The following NDRG2 variants were observed in gnomAD, a reference collection of about 807,000 sequenced individuals.
The protein encoded by NDRG2 is protein NDRG2.
A neutral mutation model predicts 58.2 loss-of-function variants in NDRG2; 34 were observed. The ratio of observed to expected loss-of-function variants is 0.58; its 90% CI spans 0.44 to 0.78. The LOEUF is 0.78. Ranked by LOEUF, NDRG2 falls within the 30% of genes least tolerant of loss-of-function variation. NDRG2 has a pLI of 0.00. For missense variants in NDRG2, 434 were observed against 471.2 expected (o/e 0.92, Z 0.73); for synonymous variants, 187 against 175.9 (o/e 1.06, Z -0.50).
intron 1 of NDRG2, among the ~76,000 whole-genome samples, chr14:21,065,260 A>C (rs1364781142): frequency 6.6e-6 from 1 of 151,690 alleles, no homozygotes; most frequent in Admixed American, 6.6e-5. Context: ...ACAAACAAAC[A>C]AAAAAAACCT....
chr14:21,021,173 A>C (rs1168390126), intron 6 of NDRG2: 1 of 496,512 alleles, frequency 2.0e-6, no homozygotes, highest in Non-Finnish European at 3.9e-6. Context: ...AGCCAGTTCA[A>C]CTTGTTCTGC....
At chr14:21,035,429 T>A (rs1312620667) in intron 1 of NDRG2, among the ~76,000 whole-genome samples, 1 of 152,226 alleles carries the variant, frequency 6.6e-6, no homozygotes, top group African/African-American at 2.4e-5. Flanking sequence ...ATCTTTTTCA[T>A]CAACATCTTC....
At chr14:21,021,759 A>AG in intron 6 of NDRG2, 58 bp downstream of exon 6, 2 of 1,561,338 alleles carry the variant, frequency 1.3e-6, no homozygotes, top group Non-Finnish European at 1.7e-6. Context: ...GGAAGTTCTA[A>AG]GGGTCTCCTT....
intron 1 of NDRG2, chr14:21,033,929 G>A (rs1884430440): frequency 6.2e-7 from 1 of 1,613,948 alleles, no homozygotes; most frequent in Non-Finnish European, 8.5e-7. Flanking sequence ...AGCAGCTAGT[G>A]GGTGGCTGTT....
chr14:21,058,485 A>G, intron 1 of NDRG2: 1 of 673,402 alleles, frequency 1.5e-6, no homozygotes, highest in African/African-American at 1.8e-5. Flanking sequence ...TCAACCTCAC[A>G]TACTCTTGGT....
At chr14:21,064,499 G>A (rs942448040) in intron 1 of NDRG2, among the ~76,000 whole-genome samples, 6 of 151,974 alleles carry the variant, frequency 3.9e-5, no homozygotes, top group Non-Finnish European at 1.5e-5. Context: ...ACTGGGTTTC[G>A]CCATGTTGGC....
chr14:21,033,962 G>T, intron 1 of NDRG2: 1 of 1,614,084 alleles, frequency 6.2e-7, no homozygotes, highest in South Asian at 1.1e-5. Context: ...AGCAGACCGT[G>T]ATGGGGAGGG....
At chr14:21,027,912 A>G (rs1214629750), upstream of NDRG2, among the ~76,000 whole-genome samples, 2 of 152,246 alleles carry the variant, frequency 1.3e-5, no homozygotes, top group African/African-American at 4.8e-5. Flanking sequence ...AGAGAGCATG[A>G]AGGACAGTTT....
rs1877250032 is a variant in NDRG2 at position 21,017,176 on chromosome 14, A to T, written c.*420T>A. The T allele has an allele frequency of 1.4e-5, 5 of 362,850 alleles. No individual in the cohort carries two copies. The highest frequency in any genetic ancestry group is 1.0e-4 in the South Asian group (5 of 49,092). The allele number at this position is 362,850 out of a possible 1,614,324, so 22.5% of individuals were successfully genotyped here. A position where few individuals can be genotyped will look rare whatever the true frequency, so the allele number is the denominator to read the frequency against. ...AGTCCTAAAGGGTTAATGAGAAGCC[A>T]CCTCAGCTTTGGTGAATGGAGCCCC... is the stretch of plus-strand genomic sequence containing the variant. On this transcript the variant is annotated 3_prime_UTR_variant, in exon 16 of 16. Transcript: ENST00000556147.
intron 1 of NDRG2, chr14:21,057,951 TG>T (rs1469659078): frequency 6.2e-7 from 1 of 1,613,886 alleles, no homozygotes; most frequent in Non-Finnish European, 8.5e-7. Flanking sequence ...GGGCTGTGGG[TG>T]GCAGAGGTCC....
chr14:21,023,077 C>T lies in NDRG2; in HGVS notation c.75+164G>A. ...GATGAAGGTTAGTGTAGTGACGAGA[C>T]AAGGGCCTGACTCCCAATTATAGTG... On this transcript the variant is annotated intron_variant, in intron 2 of 15. Transcript: ENST00000556147. The T allele has an allele frequency of 8.5e-6, 8 of 942,834 alleles. No individual in the cohort carries two copies. The South Asian group carries it at 1.2e-4, about 14-fold the overall frequency. The allele number at this position is 942,834 out of a possible 1,614,324, so 58.4% of individuals were successfully genotyped here. A position where few individuals can be genotyped will look rare whatever the true frequency, so the allele number is the denominator to read the frequency against.
In NDRG2 at chr14:21,018,255, C is replaced by A. The variant is rs374512250; in HGVS notation, c.862-16G>T. ...AGTCAGCCATCTGTTCAGGAGAGCA[C>A]CACCCAGAAAAAGTGAAACACACAT... On this transcript the variant is annotated splice_polypyrimidine_tract_variant and intron_variant, in intron 13 of 15. Transcript: ENST00000556147. 6.8e-6 allele frequency: 11 copies of A among 1,613,496 alleles called. No homozygotes were observed. Among genetic ancestry groups the A allele is most frequent in the African/African-American group, 1.3e-5 (1 of 74,928 alleles).
chr14:21,040,435 G>A (rs1884836293), intron 1 of NDRG2, among the ~76,000 whole-genome samples: 1 of 152,188 alleles, frequency 6.6e-6, no homozygotes, highest in Admixed American at 6.5e-5. Flanking sequence ...TTCTGGACCA[G>A]AACACAAACT....
At chr14:21,031,227 C>A in intron 1 of NDRG2, 1 of 1,565,162 alleles carries the variant, frequency 6.4e-7, no homozygotes. Flanking sequence ...TCCAGTCTAC[C>A]CTCCCTAACC....
chr14:21,058,023 A>C, intron 1 of NDRG2: 1 of 1,614,184 alleles, frequency 6.2e-7, no homozygotes. Flanking sequence ...CAGCATGTGC[A>C]GCCCAGCCCT....
intron 1 of NDRG2, chr14:21,058,132 C>T: frequency 3.7e-6 from 6 of 1,614,186 alleles, no homozygotes; most frequent in Non-Finnish European, 5.1e-6. Flanking sequence ...GTGTGGCCAT[C>T]ACCTGCCAGA....
Position 21,024,689 on chromosome 14 carries a change from G to T in NDRG2, c.-666C>A, listed in dbSNP as rs954262514. On this transcript the variant is annotated 5_prime_UTR_variant, in exon 1 of 16. Transcript: ENST00000556147. ...CTCCCCCGACGGCCCGCGAAGGCAAGCGCCATCGGGAAGGGATGGGTAGGA... is the reference window on the plus strand; with the variant it reads ...CTCCCCCGACGGCCCGCGAAGGCAATCGCCATCGGGAAGGGATGGGTAGGA... 7.1e-6 allele frequency: 7 copies of T among 985,342 alleles called. No homozygotes were observed. The African/African-American group carries it at 1.2e-4, about 17-fold the overall frequency. The allele number at this position is 985,342 out of a possible 1,614,324, so 61.0% of individuals were successfully genotyped here.
At chr14:21,019,777 G>A in intron 9 of NDRG2, 35 bp from the exon 10 acceptor site, 1 of 1,547,206 alleles carries the variant, frequency 6.5e-7, no homozygotes, top group Non-Finnish European at 8.9e-7. Flanking sequence ...ATTAGGGATG[G>A]AAAGAGAAAA....
At chr14:21,052,832 G>A (rs1244044557) in intron 1 of NDRG2, among the ~76,000 whole-genome samples, 1 of 152,172 alleles carries the variant, frequency 6.6e-6, no homozygotes, top group Non-Finnish European at 1.5e-5. Flanking sequence ...GAAAGGGTAG[G>A]CAAGGAGGCA....
Sources: allele counts gnomAD v4.1 joint callset (sites outside exome capture counted in the v4.1 genomes callset), GRCh38; gene constraint gnomAD v4.1.1; transcripts MANE v1.5; gene names NCBI Gene and HGNC (gene_info 2026-07-23, HGNC 2026-07-21).